Variants in C1QTNF7 observed in about 807,000 individuals in gnomAD.
The protein encoded by C1QTNF7 is complement C1q tumor necrosis factor-related protein 7.
C1QTNF7 carries 15 observed loss-of-function variants against 19.6 expected under a neutral mutation model. The ratio of observed to expected loss-of-function variants is 0.76; its 90% CI spans 0.51 to 1.18. The LOEUF (loss-of-function observed/expected upper bound fraction) is 1.18, where lower values mean the gene tolerates loss of function less well. C1QTNF7 is among the 50% of genes most tolerant of loss of function. C1QTNF7 has a pLI of 0.00. For synonymous variants in C1QTNF7, 142 were observed against 137.5 expected, an observed-to-expected ratio of 1.03 and a Z score of -0.23; for missense variants, 324 against 359.7, an observed-to-expected ratio of 0.90 and a Z score of 0.80.
chr4:15,382,699 C>A (rs1303736115), intron 1 of C1QTNF7, among the ~76,000 whole-genome samples: 1 of 152,170 alleles, frequency 6.6e-6, no homozygotes, highest in Non-Finnish European at 1.5e-5. Context: ...ATCCCATACC[C>A]TTCTCAAACT....
intron 1 of C1QTNF7, among the ~76,000 whole-genome samples, chr4:15,346,986 A>T (rs1470870636): frequency 1.3e-5 from 2 of 152,228 alleles, no homozygotes; most frequent in African/African-American, 4.8e-5. Context: ...TATGTGAATG[A>T]TGTTGAACCA....
rs181537331 is a variant in C1QTNF7, at chr4:15,430,198, A to T, written c.-9+2092A>T. On this transcript the variant is annotated intron_variant, in intron 1 of 2. Coordinates refer to ENST00000444304, the MANE Select transcript of C1QTNF7 (RefSeq NM_031911.5). ...AAATTAAATTTTTTAAATGTGTTTT[A>T]AAAACAAAAACCTGTTACTTTGTAA... Among the ~76,000 whole-genome samples the T allele has an allele frequency of 6.6e-5, 10 of 152,340 alleles. No homozygotes were observed. In the East Asian group the frequency reaches 1.9e-3, roughly 29 times the overall value.
At chr4:15,432,163 G>A (rs1712339671) in intron 1 of C1QTNF7, among the ~76,000 whole-genome samples, 2 of 152,154 alleles carry the variant, frequency 1.3e-5, no homozygotes, top group African/African-American at 4.8e-5. Flanking sequence ...AATGTGAGGA[G>A]AATAGAAGAT....
At chr4:15,383,570 A>G (rs1030235973) in intron 1 of C1QTNF7, among the ~76,000 whole-genome samples, 1 of 152,070 alleles carries the variant, frequency 6.6e-6, no homozygotes, top group African/African-American at 2.4e-5. Flanking sequence ...CCAATCTCCA[A>G]CTCCTAGCTG....
intron 1 of C1QTNF7, among the ~76,000 whole-genome samples, chr4:15,428,752 C>T (rs761485522): frequency 3.4e-4 from 51 of 152,126 alleles, no homozygotes; most frequent in Non-Finnish European, 6.9e-4. Context: ...CCATCCTGTC[C>T]CAATCACAGT....
At chr4:15,355,860 GT>G (rs1717126840) in intron 1 of C1QTNF7, among the ~76,000 whole-genome samples, 2 of 151,962 alleles carry the variant, frequency 1.3e-5, no homozygotes, top group South Asian at 4.1e-4. Flanking sequence ...ACAGTATTTT[GT>G]TTGTTTGTTT....
At chr4:15,435,623 C>T (rs1577282781) in intron 1 of C1QTNF7, 113 bp from the exon 2 acceptor site, 3 of 1,444,120 alleles carry the variant, frequency 2.1e-6, no homozygotes, top group Non-Finnish European at 2.8e-6. Context: ...AAGACGAACA[C>T]TGGAGTGATT....
intron 1 of C1QTNF7, among the ~76,000 whole-genome samples, chr4:15,414,611 T>C (rs1326063791): frequency 2.6e-5 from 4 of 152,092 alleles, no homozygotes; most frequent in Admixed American, 6.5e-5. Context: ...CTGACTAGAA[T>C]ATCCGTTTGT....
At chr4:15,346,196 T>C (rs750322888) in intron 1 of C1QTNF7, among the ~76,000 whole-genome samples, 33 of 152,202 alleles carry the variant, frequency 2.2e-4, no homozygotes, top group Non-Finnish European at 4.6e-4. Context: ...TCACTGCTCA[T>C]CTGCAAGGTT....
chr4:15,442,447 A>C lies in C1QTNF7; in HGVS notation c.518A>C (p.Asn173Thr). ...ATTATATTTAACAAGGTCCTCTTCA[A>C]CGAGGGAGAGCACTACAACCCTGCC... Reference protein sequence around the residue: ...LPIIFNKVLFNEGEHYNPATG... With the variant: ...LPIIFNKVLFTEGEHYNPATG... Residue 173 changes from asparagine (N) to threonine (T), a missense_variant, in exon 3 of 3, where the codon AAC (asparagine) becomes ACC (threonine). By Grantham distance (65) the Asn-to-Thr change is moderately conservative. Coordinates refer to ENST00000444304, the MANE Select transcript of C1QTNF7 (RefSeq NM_031911.5). 1 of 1,614,232 alleles carries C rather than the reference A, an allele frequency of 6.2e-7. No individual in the cohort carries two copies. Among genetic ancestry groups the C allele is most frequent in the Non-Finnish European group, 8.5e-7 (1 of 1,180,042 alleles).
chr4:15,419,817 A>T (rs1272260593), intron 1 of C1QTNF7: 1 of 152,208 alleles, frequency 6.6e-6, no homozygotes, highest in Non-Finnish European at 1.5e-5. Context: ...ACACACACAC[A>T]CAAACATACA....
chr4:15,425,457 T>A (rs1711997141), upstream of C1QTNF7, among the ~76,000 whole-genome samples: 3 of 152,110 alleles, frequency 2.0e-5, no homozygotes, highest in South Asian at 6.2e-4. Flanking sequence ...GGTAATGGCT[T>A]GCAGCTACTG....
chr4:15,408,695 C>T (rs1385400293), intron 1 of C1QTNF7, among the ~76,000 whole-genome samples: 1 of 152,124 alleles, frequency 6.6e-6, no homozygotes, highest in Non-Finnish European at 1.5e-5. Context: ...CTGGAGAGCA[C>T]TTTGGATATA....
At chr4:15,394,011 C>A (rs1426079502) in intron 1 of C1QTNF7, among the ~76,000 whole-genome samples, 1 of 152,082 alleles carries the variant, frequency 6.6e-6, no homozygotes, top group African/African-American at 2.4e-5. Context: ...CAGGAGGGCT[C>A]TATTTCATAT....
chr4:15,409,040 C>A (rs368388134), intron 1 of C1QTNF7, among the ~76,000 whole-genome samples: 3 of 152,188 alleles, frequency 2.0e-5, no homozygotes, highest in African/African-American at 7.2e-5. Context: ...CTTCCAGTAT[C>A]CCAGTTGACA....
chr4:15,389,342 T>G (rs573114840), intron 1 of C1QTNF7, among the ~76,000 whole-genome samples: 1 of 151,716 alleles, frequency 6.6e-6, no homozygotes, highest in Non-Finnish European at 1.5e-5. Flanking sequence ...CAGGAGTGAG[T>G]TGGGGTCTAC....
rs1716489111 is a variant in C1QTNF7 at position 15,340,157 on chromosome 4, G to GA, written c.-35dup. 9.7e-6 allele frequency: 15 copies of GA among 1,551,340 alleles called. No homozygotes were observed. In the East Asian group the frequency reaches 3.7e-4, roughly 38 times the overall value. ...TACATTCATGGGACAACCAAAGCAA[G>GA]AAAGCCTCATGTTTTGGGGGAAAGT... On this transcript the variant is annotated 5_prime_UTR_variant, in exon 1 of 3. Transcript: ENST00000295297.
At chr4:15,432,654 C>G (rs1253527869) in intron 1 of C1QTNF7, among the ~76,000 whole-genome samples, 2 of 152,206 alleles carry the variant, frequency 1.3e-5, no homozygotes, top group African/African-American at 4.8e-5. Flanking sequence ...CTTGGCCACC[C>G]AAAGTGCTGG....
intron 1 of C1QTNF7, among the ~76,000 whole-genome samples, chr4:15,390,838 C>G (rs895446496): frequency 1.3e-5 from 2 of 152,064 alleles, no homozygotes; most frequent in African/African-American, 4.8e-5. Flanking sequence ...CCACTGAATT[C>G]ATGGTTAATG....
Sources: gnomAD v4.1 joint callset for allele counts (sites outside exome capture counted in the v4.1 genomes callset) on GRCh38, gnomAD v4.1.1 for gene constraint, MANE v1.5 for transcripts, NCBI Gene and HGNC (gene_info 2026-07-23, HGNC 2026-07-21) for gene names.